Variants in NEK6 observed in about 807,000 individuals in gnomAD.
NEK6 encodes the protein serine/threonine-protein kinase Nek6.
Under a neutral mutation model 43.5 loss-of-function variants are expected in NEK6, and 27 were observed. That is an observed-to-expected ratio of 0.62 (90% CI 0.46 to 0.86). NEK6 has a LOEUF of 0.86. NEK6 is among the 40% of genes least tolerant of loss of function. NEK6 has a pLI of 0.00. For missense variants in NEK6, 318 were observed against 414.4 expected, an observed-to-expected ratio of 0.77 and a Z score of 2.02; for synonymous variants, 167 against 164.1, an observed-to-expected ratio of 1.02 and a Z score of -0.14.
chr9:124,333,795 T>TTTTTTTTA (rs1829146331), intron 7 of NEK6, among the ~76,000 whole-genome samples: 1 of 148,178 alleles, frequency 6.7e-6, no homozygotes, highest in African/African-American at 2.5e-5. Flanking sequence ...TTTTTTTTTT[T>TTTTTTTTA]GAGACTGAAT....
chr9:124,302,021 C>T lies in NEK6; in HGVS notation c.57C>T (p.His19=), dbSNP rs35882196. 1.8e-4 allele frequency: 287 copies of T among 1,605,488 alleles called. 1 individual carries two copies. In the African/African-American group the frequency reaches 3.3e-3, roughly 18 times the overall value. Residue 19 remains histidine (H), a synonymous_variant, in exon 2 of 10, where the codon CAC becomes CAT. Transcript: ENST00000320246. ...PHGGSSNNLC[H]TLGPVHPPDP... ...GAGGGAGTTCCAACAACCTCTGCCA[C>T]ACCCTGGGGCCTGTGCATCCTCCTG... is the stretch of plus-strand genomic sequence containing the variant.
At chr9:124,305,842 G>A (rs1166017763) in intron 2 of NEK6, among the ~76,000 whole-genome samples, 1 of 152,224 alleles carries the variant, frequency 6.6e-6, no homozygotes. Flanking sequence ...AAGGTGCATG[G>A]CCAATCAGGT....
chr9:124,334,954 G>A (rs892905421), intron 7 of NEK6, among the ~76,000 whole-genome samples: 1 of 152,214 alleles, frequency 6.6e-6, no homozygotes, highest in African/African-American at 2.4e-5. Context: ...GGAAGAGCCT[G>A]TAGGGTCAGA....
chr9:124,307,716 G>A lies in NEK6; in HGVS notation c.91-4793G>A, dbSNP rs1467567075. The stretch of plus-strand genomic sequence containing the variant: ...TTGCCCCACAGCGCAGCCCTGGAAG[G>A]GAGGCTGAGGGCAGCTCTTGCCTAG... On this transcript the variant is annotated intron_variant, in intron 2 of 9. Transcript: ENST00000320246. Among the ~76,000 whole-genome samples, 3 of 152,210 alleles carry A rather than the reference G, an allele frequency of 2.0e-5. No individual in the cohort carries two copies. In the East Asian group the frequency reaches 5.8e-4, roughly 29 times the overall value.
intron 3 of NEK6, among the ~76,000 whole-genome samples, chr9:124,313,278 C>T (rs1043904659): frequency 3.9e-5 from 6 of 152,034 alleles, no homozygotes; most frequent in Admixed American, 6.6e-5. Flanking sequence ...GAGAGAATGG[C>T]GTTGGGGAAA....
Position 124,258,440 on chromosome 9 carries a change from G to GGGCGC in NEK6, c.-30+356_-30+360dup, listed in dbSNP as rs1268619585. The GGGCGC allele has an allele frequency of 7.0e-6, 5 of 717,224 alleles. No homozygotes were observed. In the East Asian group the frequency reaches 4.0e-4, roughly 57 times the overall value. 44.4% of individuals were successfully genotyped at this position (717,224 alleles called of 1,614,324 possible). A position where few individuals can be genotyped will look rare whatever the true frequency, so the allele number is the denominator to read the frequency against. ...GGGACGACGGGCGGAGGAGTGTGCC[G>GGGCGC]GGCGCCGCAGGGAGTACGTGCGGGT... On this transcript the variant is annotated intron_variant, in intron 1 of 9. Coordinates refer to ENST00000320246, the MANE Select transcript of NEK6 (RefSeq NM_014397.6).
intron 2 of NEK6, among the ~76,000 whole-genome samples, chr9:124,312,184 G>T (rs992257310): frequency 6.6e-6 from 1 of 152,240 alleles, no homozygotes; most frequent in African/African-American, 2.4e-5. Flanking sequence ...GGCAACGCCC[G>T]TGGTCCCACG....
At position 124,351,419 on chromosome 9, in the gene NEK6, G is replaced by C. The variant is rs1181419996; in HGVS notation, c.*472G>C. On this transcript the variant is annotated 3_prime_UTR_variant, in exon 10 of 10. Transcript: ENST00000320246. The stretch of plus-strand genomic sequence containing the variant: ...TCAAGCTGTGTGCTTAATTTACTCT[G>C]TTGTAAAGGGATAAAGTGGAAATCA... 1.9e-5 allele frequency: 3 copies of C among 154,448 alleles called. No individual in the cohort carries two copies. Among genetic ancestry groups the C allele is most frequent in the African/African-American group, 4.8e-5 (2 of 41,478 alleles). 9.6% of individuals were successfully genotyped at this position (154,448 alleles called of 1,614,324 possible). A position where few individuals can be genotyped will look rare whatever the true frequency, so the allele number is the denominator to read the frequency against.
chr9:124,318,419 T>C (rs1161828854), intron 4 of NEK6, among the ~76,000 whole-genome samples: 1 of 152,096 alleles, frequency 6.6e-6, no homozygotes, highest in Non-Finnish European at 1.5e-5. Context: ...TTTTTTTTTG[T>C]AGTGACAAGG....
intron 2 of NEK6, among the ~76,000 whole-genome samples, 155 bp from the exon 3 acceptor site, chr9:124,312,353 CT>C (rs528302111): frequency 1.3e-5 from 2 of 152,222 alleles, no homozygotes; most frequent in East Asian, 3.9e-4. Flanking sequence ...AGAAAGCCCC[CT>C]GGGGGGGTGC....
intron 1 of NEK6, among the ~76,000 whole-genome samples, chr9:124,264,570 C>A (rs1473615422): frequency 6.6e-6 from 1 of 152,052 alleles, no homozygotes; most frequent in Non-Finnish European, 1.5e-5. Context: ...TTTGAGAGGC[C>A]GAGGCGGGCA....
chr9:124,346,899 T>C lies in NEK6; in HGVS notation c.718-810T>C, dbSNP rs748862514. 1.8e-4 allele frequency among the ~76,000 whole-genome samples: 27 copies of C among 152,344 alleles called. 1 individual carries two copies. The highest frequency in any genetic ancestry group is 3.4e-4 in the Non-Finnish European group (23 of 68,020). On this transcript the variant is annotated intron_variant, in intron 8 of 9. Coordinates refer to ENST00000320246, the MANE Select transcript of NEK6 (RefSeq NM_014397.6). ...AGGCCTCACCTCATCAAAGGCGGTC[T>C]TGGCCCTGCTGGTGGTGCCTCCTCC... is the stretch of plus-strand genomic sequence containing the variant.
At chr9:124,317,021 TG>T in intron 4 of NEK6, among the ~76,000 whole-genome samples, 1 of 152,090 alleles carries the variant, frequency 6.6e-6, no homozygotes, top group East Asian at 1.9e-4. Flanking sequence ...AAGAGGAGGG[TG>T]AAGGAGCAGG....
chr9:124,286,915 A>C (rs1188458670), intron 1 of NEK6, among the ~76,000 whole-genome samples: 1 of 152,178 alleles, frequency 6.6e-6, no homozygotes, highest in Non-Finnish European at 1.5e-5. Context: ...GAGATGAGGT[A>C]CACAAGCCCT....
intron 2 of NEK6, among the ~76,000 whole-genome samples, chr9:124,307,736 G>T (rs988891794): frequency 2.0e-5 from 3 of 152,198 alleles, no homozygotes; most frequent in African/African-American, 7.2e-5. Context: ...GGCAGCTCTT[G>T]CCTAGCATGG....
At chr9:124,313,428 G>A (rs1484537233) in intron 3 of NEK6, among the ~76,000 whole-genome samples, 1 of 151,902 alleles carries the variant, frequency 6.6e-6, no homozygotes, top group Non-Finnish European at 1.5e-5. Flanking sequence ...GTAGTGCAGT[G>A]GCGTGATCAG....
chr9:124,286,555 A>C (rs964147745), intron 1 of NEK6: 1 of 152,282 alleles, frequency 6.6e-6, no homozygotes, highest in Non-Finnish European at 1.5e-5. Context: ...AACCCACCAG[A>C]GATGCTGCGT....
At position 124,313,793 on chromosome 9, in the gene NEK6, A is replaced by AG. The variant is rs71490843; in HGVS notation, c.232-122dup. 1,105 of 820,580 alleles carry AG rather than the reference A, an allele frequency of 1.3e-3. 5 individuals are homozygous for AG. In the East Asian group the frequency reaches 0.02, roughly 15 times the overall value. The allele number at this position is 820,580 out of a possible 1,614,324, so 50.8% of individuals were successfully genotyped here. A position where few individuals can be genotyped will look rare whatever the true frequency, so the allele number is the denominator to read the frequency against. On this transcript the variant is annotated intron_variant, in intron 3 of 9. Coordinates refer to ENST00000320246, the MANE Select transcript of NEK6 (RefSeq NM_014397.6). ...CAAGCCCTACAGGGGCTGGGAGTGC[A>AG]GGGGGGGGTCACAGAGTCCCTTGGT...
chr9:124,271,524 G>T (rs151201379), intron 1 of NEK6, among the ~76,000 whole-genome samples: 254 of 152,350 alleles, frequency 1.7e-3, no homozygotes, highest in African/African-American at 5.5e-3. Context: ...GTTAATCCTC[G>T]TGACAACTTT....
Sources: allele counts gnomAD v4.1 joint callset (sites outside exome capture counted in the v4.1 genomes callset), GRCh38; gene constraint gnomAD v4.1.1; transcripts MANE v1.5; gene names NCBI Gene and HGNC (gene_info 2026-07-23, HGNC 2026-07-21).